NCAM2: variants seen among roughly 807,000 people sequenced by gnomAD.
NCAM2 encodes N-CAM-2.
A neutral mutation model predicts 98.1 loss-of-function variants in NCAM2; 30 were observed. The ratio of observed to expected loss-of-function variants is 0.31; its 90% CI spans 0.23 to 0.41. The LOEUF is 0.41. Ranked by LOEUF, NCAM2 falls within the 10% of genes least tolerant of loss-of-function variation. The pLI, the probability that NCAM2 is intolerant of heterozygous loss-of-function variation, is 1.00. For synonymous variants in NCAM2, 368 were observed against 342.4 expected (o/e 1.07, Z -0.83); for missense variants, 867 against 1,005.8 (o/e 0.86, Z 1.87).
intron 1 of NCAM2, among the ~76,000 whole-genome samples, chr21:21,075,957 A>C (rs910621412): frequency 6.6e-6 from 1 of 152,008 alleles, no homozygotes; most frequent in African/African-American, 2.4e-5. Flanking sequence ...TCTCGACTAA[A>C]AATACAAAAA....
At chr21:21,279,484 G>C (rs142179755) in intron 1 of NCAM2, among the ~76,000 whole-genome samples, 9 of 152,024 alleles carry the variant, frequency 5.9e-5, no homozygotes, top group Admixed American at 4.6e-4. Flanking sequence ...TCAGGCTCCC[G>C]AGTAGCTGGG....
At chr21:21,193,643 G>A (rs571798023) in intron 1 of NCAM2, among the ~76,000 whole-genome samples, 5 of 151,912 alleles carry the variant, frequency 3.3e-5, no homozygotes, top group East Asian at 1.9e-4. Context: ...CTACACAGGC[G>A]TGTCACCATG....
chr21:21,483,254 A>G (rs1164268480), intron 15 of NCAM2, among the ~76,000 whole-genome samples: 3 of 152,070 alleles, frequency 2.0e-5, no homozygotes, highest in African/African-American at 7.2e-5. Flanking sequence ...TAATTTGATG[A>G]CAATAATTCT....
chr21:21,084,635 A>C (rs2065872901), intron 1 of NCAM2, among the ~76,000 whole-genome samples: 1 of 152,360 alleles, frequency 6.6e-6, no homozygotes, highest in South Asian at 2.1e-4. Flanking sequence ...AAAACATTAG[A>C]AATTCACTTT....
intron 1 of NCAM2, among the ~76,000 whole-genome samples, chr21:21,262,523 T>C (rs1481446094): frequency 6.6e-6 from 1 of 152,006 alleles, no homozygotes; most frequent in East Asian, 1.9e-4. Context: ...TATATTTGAC[T>C]AACCAATGGC....
chr21:21,435,107 C>G (rs546946746), intron 12 of NCAM2, among the ~76,000 whole-genome samples: 1 of 152,136 alleles, frequency 6.6e-6, no homozygotes, highest in Non-Finnish European at 1.5e-5. Flanking sequence ...CTTTCCTCAC[C>G]CTTTACTTCA....
chr21:21,432,223 G>T lies in NCAM2; in HGVS notation c.1596G>T (p.Val532=). The T allele has an allele frequency of 2.5e-6, 4 of 1,614,032 alleles. No individual in the cohort carries two copies. The highest frequency in any genetic ancestry group is 3.4e-6 in the Non-Finnish European group (4 of 1,179,960). Residue 532 remains valine (V), a synonymous_variant, in exon 12 of 18, where the codon GTG becomes GTT. Coordinates refer to ENST00000400546, the MANE Select transcript of NCAM2 (RefSeq NM_004540.5). Reference sequence around the variant, plus strand: ...GTGTACCTATTCATCACTATCAGGTGGATGTCAAAGAAGTAGCGTCAGAAA... The same window carrying T: ...GTGTACCTATTCATCACTATCAGGTTGATGTCAAAGAAGTAGCGTCAGAAA... ...HGGVPIHHYQ[V]DVKEVASEIW... is the part of the protein sequence containing the mutation.
intron 1 of NCAM2, among the ~76,000 whole-genome samples, chr21:21,035,668 T>TTA (rs1439265197): frequency 6.6e-6 from 1 of 152,168 alleles, no homozygotes; most frequent in Non-Finnish European, 1.5e-5. Flanking sequence ...CCCAGCTCAA[T>TTA]TATATGATCT....
At chr21:21,423,875 A>G (rs554665664) in intron 11 of NCAM2, among the ~76,000 whole-genome samples, 2 of 152,288 alleles carry the variant, frequency 1.3e-5, no homozygotes, top group African/African-American at 4.8e-5. Context: ...TGTATAAGTC[A>G]TCCTTGAGAA....
intron 1 of NCAM2, among the ~76,000 whole-genome samples, chr21:21,179,701 T>A (rs2068407478): frequency 6.6e-6 from 1 of 152,184 alleles, no homozygotes; most frequent in Non-Finnish European, 1.5e-5. Context: ...ATATGTGTCA[T>A]TTTCAAGGGT....
At chr21:21,194,116 T>C (rs902613316) in intron 1 of NCAM2, among the ~76,000 whole-genome samples, 1 of 152,172 alleles carries the variant, frequency 6.6e-6, no homozygotes, top group Non-Finnish European at 1.5e-5. Context: ...GTTCTTAATG[T>C]ATAGTTCCAT....
At chr21:21,053,467 C>A (rs73218291) in intron 1 of NCAM2, among the ~76,000 whole-genome samples, 9,090 of 151,730 alleles carry the variant, frequency 0.06, 288 homozygotes, top group East Asian at 0.097. Flanking sequence ...ATTTTAAATT[C>A]TTTTTTGTGT....
At chr21:21,326,887 T>C (rs1303871671) in intron 6 of NCAM2, among the ~76,000 whole-genome samples, 1 of 152,012 alleles carries the variant, frequency 6.6e-6, no homozygotes, top group Non-Finnish European at 1.5e-5. Context: ...TATAGACATG[T>C]CATGTTTGTG....
chr21:21,392,536 A>G (rs1461544230), intron 9 of NCAM2, among the ~76,000 whole-genome samples: 1 of 152,218 alleles, frequency 6.6e-6, no homozygotes, highest in Admixed American at 6.5e-5. Context: ...ACAGTCTTCC[A>G]CAATGGCTGA....
intron 5 of NCAM2, among the ~76,000 whole-genome samples, chr21:21,321,934 G>T (rs1463672495): frequency 6.6e-6 from 1 of 152,156 alleles, no homozygotes; most frequent in Non-Finnish European, 1.5e-5. Flanking sequence ...AAGCAGAACT[G>T]CCATTTGAGC....
At chr21:21,369,433 G>A (rs1241552109) in intron 8 of NCAM2, among the ~76,000 whole-genome samples, 1 of 151,560 alleles carries the variant, frequency 6.6e-6, no homozygotes, top group East Asian at 1.9e-4. Flanking sequence ...GCTGTCATTA[G>A]CATTTATGTA....
At chr21:21,476,082 A>G (rs953601417) in intron 14 of NCAM2, among the ~76,000 whole-genome samples, 1 of 152,156 alleles carries the variant, frequency 6.6e-6, no homozygotes, top group African/African-American at 2.4e-5. Flanking sequence ...AATGGAGAAT[A>G]CATCGTTATT....
chr21:21,353,816 A>G (rs950294456), intron 8 of NCAM2, among the ~76,000 whole-genome samples: 9 of 152,170 alleles, frequency 5.9e-5, no homozygotes, highest in African/African-American at 2.2e-4. Flanking sequence ...AGAAGTACCT[A>G]AATAGGGCAT....
chr21:21,330,752 G>A (rs547856409), intron 6 of NCAM2, among the ~76,000 whole-genome samples: 12 of 151,868 alleles, frequency 7.9e-5, no homozygotes, highest in Admixed American at 1.3e-4. Flanking sequence ...ATTTATTCAC[G>A]TAGATCAGTA....
Sources: allele counts gnomAD v4.1 joint callset (sites outside exome capture counted in the v4.1 genomes callset), GRCh38; gene constraint gnomAD v4.1.1; transcripts MANE v1.5; gene names NCBI Gene and HGNC (gene_info 2026-07-23, HGNC 2026-07-21).